The following UMODL1 variants were observed in gnomAD, a reference collection of about 807,000 sequenced individuals.
UMODL1 encodes uromodulin like 1.
Under a neutral mutation model 136.3 loss-of-function variants are expected in UMODL1, and 128 were observed. That is an observed-to-expected ratio of 0.94 (90% CI 0.81 to 1.09). UMODL1 has a LOEUF of 1.09. Ranked by LOEUF, UMODL1 falls within the 50% of genes least tolerant of loss-of-function variation. The pLI, the probability that UMODL1 is intolerant of heterozygous loss-of-function variation, is 0.00. For synonymous variants in UMODL1, 721 were observed against 720.0 expected (o/e 1.00, Z -0.02); for missense variants, 1,766 against 1,725.6 (o/e 1.02, Z -0.41).
chr21:42,096,034 C>T (rs545864198), intron 6 of UMODL1, among the ~76,000 whole-genome samples: 1 of 152,268 alleles, frequency 6.6e-6, no homozygotes, highest in African/African-American at 2.4e-5. Flanking sequence ...TTAGCTTGGA[C>T]ACTGTGGACC....
chr21:42,085,001 T>C lies in UMODL1; in HGVS notation c.482-290T>C, dbSNP rs1309652533. 6.6e-6 allele frequency among the ~76,000 whole-genome samples: 1 copy of C among 151,598 alleles called. No homozygotes were observed. The highest frequency in any genetic ancestry group is 1.5e-5 in the Non-Finnish European group (1 of 68,008). Reference sequence around the variant, plus strand: ...ATGAGGCTGATAGGCTCTATTTACCTCCTAAGCAGATCTCTTCAAGGGAAG... The same window carrying C: ...ATGAGGCTGATAGGCTCTATTTACCCCCTAAGCAGATCTCTTCAAGGGAAG... On this transcript the variant is annotated intron_variant, in intron 3 of 22. Coordinates refer to ENST00000408910, the MANE Select transcript of UMODL1 (RefSeq NM_001004416.3). The surrounding 1 kb of genome is among the most constrained non-coding windows in gnomAD (Gnocchi z 4.5).
intron 13 of UMODL1, among the ~76,000 whole-genome samples, chr21:42,115,062 G>C (rs1231810893): frequency 6.6e-6 from 1 of 152,244 alleles, no homozygotes; most frequent in Non-Finnish European, 1.5e-5. Context: ...TGGCTCTGTG[G>C]TTTGTCTTAA....
intron 20 of UMODL1, 85 bp downstream of exon 20, chr21:42,127,916 G>T: frequency 6.3e-7 from 1 of 1,578,242 alleles, no homozygotes; most frequent in East Asian, 2.3e-5. Context: ...TAAAAACCTA[G>T]GGCTCGAGTG....
intron 2 of UMODL1, among the ~76,000 whole-genome samples, chr21:42,080,246 C>T (rs924011278): frequency 3.3e-5 from 5 of 152,180 alleles, no homozygotes; most frequent in East Asian, 1.9e-4. Context: ...TGTTGAGCAC[C>T]GTGACTCTGA....
At chr21:42,118,695 A>C (rs2066929171) in intron 14 of UMODL1, among the ~76,000 whole-genome samples, 1 of 151,938 alleles carries the variant, frequency 6.6e-6, no homozygotes, top group South Asian at 2.1e-4. Flanking sequence ...AGGCAGCGGG[A>C]AGTGGTCTCC....
At position 42,122,790 on chromosome 21, in the gene UMODL1, C is replaced by T; in HGVS notation, c.2828-41C>T. ...CCTGCCCCTCCATGCCAACCCCAAA[C>T]ACAGAGCCACTCTTTGCCTTTTCCT... On this transcript the variant is annotated intron_variant, in intron 16 of 22. Transcript: ENST00000408910. This position sits in a 1 kb window ranked among gnomAD's most constrained non-coding sequence, Gnocchi z 4.3. The T allele has an allele frequency of 6.5e-7, 1 of 1,543,742 alleles. No individual in the cohort carries two copies. Among genetic ancestry groups the T allele is most frequent in the Non-Finnish European group, 8.7e-7 (1 of 1,143,686 alleles).
intron 6 of UMODL1, among the ~76,000 whole-genome samples, chr21:42,092,313 C>T (rs538260673): frequency 2.0e-5 from 3 of 152,090 alleles, no homozygotes; most frequent in East Asian, 1.9e-4. Context: ...AAAAGACAGG[C>T]GAAGCTGATC....
At chr21:42,135,319 G>A (rs2067191220) in intron 21 of UMODL1, among the ~76,000 whole-genome samples, 1 of 152,234 alleles carries the variant, frequency 6.6e-6, no homozygotes, top group Non-Finnish European at 1.5e-5. Flanking sequence ...CTGGCCATGG[G>A]GAGTAACCAT....
intron 1 of UMODL1, among the ~76,000 whole-genome samples, chr21:42,074,478 C>T (rs1203098013): frequency 2.0e-5 from 3 of 152,230 alleles, no homozygotes; most frequent in Admixed American, 1.3e-4. Context: ...TAGGGGCTCC[C>T]GGGGAGATGG....
chr21:42,090,485 G>A (rs923657212), intron 6 of UMODL1, 47 bp downstream of exon 6: 3 of 1,603,728 alleles, frequency 1.9e-6, no homozygotes, highest in Non-Finnish European at 2.6e-6. Flanking sequence ...CTTAATTCCT[G>A]TTTGCCCCGG....
rs1227632883 is a variant in UMODL1, at chr21:42,104,178, CA to C, written c.1519+94del. Reference sequence around the variant, plus strand: ...ATTTGAGTCAGTCTTTCCTTTATTTCAAAGGGTAAAGAAATGCAAATCCTTA... The same window carrying C: ...ATTTGAGTCAGTCTTTCCTTTATTTCAAGGGTAAAGAAATGCAAATCCTTA... On this transcript the variant is annotated intron_variant, in intron 9 of 22. Transcript: ENST00000408910. The C allele has an allele frequency of 4.5e-6, 6 of 1,328,180 alleles. No individual in the cohort carries two copies. In the East Asian group the frequency reaches 7.2e-5, roughly 16 times the overall value. 82.3% of individuals were successfully genotyped at this position (1,328,180 alleles called of 1,614,324 possible). A position where few individuals can be genotyped will look rare whatever the true frequency, so the allele number is the denominator to read the frequency against.
intron 1 of UMODL1, among the ~76,000 whole-genome samples, chr21:42,075,638 G>A (rs2066281457): frequency 6.6e-6 from 1 of 152,218 alleles, no homozygotes. Flanking sequence ...GCAGAACAAA[G>A]GGACGTGATC....
intron 22 of UMODL1, among the ~76,000 whole-genome samples, chr21:42,138,003 G>A (rs1308330344): frequency 6.6e-6 from 1 of 152,008 alleles, no homozygotes; most frequent in African/African-American, 2.4e-5. Flanking sequence ...GTTGGTGAAG[G>A]TTCGATCGCT....
chr21:42,085,630 G>T lies in UMODL1; in HGVS notation c.603+218G>T, dbSNP rs568793462. ...AAAATGCACACAACTGAAGCGTGTA[G>T]TTGGCTGAGTTGTTATGTGTGTACC... is the stretch of plus-strand genomic sequence containing the variant. On this transcript the variant is annotated intron_variant, in intron 4 of 22. Coordinates refer to ENST00000408910, the MANE Select transcript of UMODL1 (RefSeq NM_001004416.3). This position sits in a 1 kb window ranked among gnomAD's most constrained non-coding sequence, Gnocchi z 4.5. Among the ~76,000 whole-genome samples the T allele has an allele frequency of 2.0e-5, 3 of 152,350 alleles. No individual in the cohort carries two copies. The South Asian group carries it at 6.2e-4, about 32-fold the overall frequency.
rs1296667031 is a variant in UMODL1, at chr21:42,122,121, C to T, written c.2828-710C>T. Among the ~76,000 whole-genome samples the T allele has an allele frequency of 6.6e-6, 1 of 152,082 alleles. No individual in the cohort carries two copies. The highest frequency in any genetic ancestry group is 1.5e-5 in the Non-Finnish European group (1 of 67,990). On this transcript the variant is annotated intron_variant, in intron 16 of 22. Coordinates refer to ENST00000408910, the MANE Select transcript of UMODL1 (RefSeq NM_001004416.3). This position sits in a 1 kb window ranked among gnomAD's most constrained non-coding sequence, Gnocchi z 4.3. ...GGAGCTGCAGGGTGCTGGGGCTGGG[C>T]AAGCCCCACTCTGAGATAAAAGAAG...
rs543206238 is a variant in UMODL1, at chr21:42,099,386, C to T, written c.1186+206C>T. ...GCTGGTGCCTTCACTGGCTCCCTCGCTTCCCTACATGTCGTCCTGTTAGGG... is the reference window on the plus strand; with the variant it reads ...GCTGGTGCCTTCACTGGCTCCCTCGTTTCCCTACATGTCGTCCTGTTAGGG... On this transcript the variant is annotated intron_variant, in intron 7 of 22. Transcript: ENST00000408910. The surrounding 1 kb of genome is among the most constrained non-coding windows in gnomAD (Gnocchi z 4.1). Among the ~76,000 whole-genome samples, 7 of 152,292 alleles carry T rather than the reference C, an allele frequency of 4.6e-5. No individual in the cohort carries two copies. The East Asian group carries it at 1.2e-3, about 25-fold the overall frequency.
chr21:42,096,003 G>T (rs140016773), intron 6 of UMODL1, among the ~76,000 whole-genome samples: 1 of 152,226 alleles, frequency 6.6e-6, no homozygotes, highest in South Asian at 2.1e-4. Context: ...AGTTCCTACC[G>T]CTGCTATAAT....
At chr21:42,117,865 G>C (rs1033228871) in intron 14 of UMODL1, among the ~76,000 whole-genome samples, 1 of 152,198 alleles carries the variant, frequency 6.6e-6, no homozygotes, top group Non-Finnish European at 1.5e-5. Flanking sequence ...AGGCAGCTCC[G>C]TTTCCTTCCC....
Position 42,099,712 on chromosome 21 carries a change from G to T in UMODL1, c.1186+532G>T, listed in dbSNP as rs1024705866. ...TTTTTTCTTTTTGAGACAGGGTCTC[G>T]CTCTGTCACCCAGGCTGGAGTGTAG... On this transcript the variant is annotated intron_variant, in intron 7 of 22. Coordinates refer to ENST00000408910, the MANE Select transcript of UMODL1 (RefSeq NM_001004416.3). The surrounding 1 kb of genome is among the most constrained non-coding windows in gnomAD (Gnocchi z 4.1). Among the ~76,000 whole-genome samples, 1 of 152,128 alleles carries T rather than the reference G, an allele frequency of 6.6e-6. No individual in the cohort carries two copies. Among genetic ancestry groups the T allele is most frequent in the Non-Finnish European group, 1.5e-5 (1 of 68,012 alleles).
Sources: gnomAD v4.1 joint callset for allele counts (sites outside exome capture counted in the v4.1 genomes callset) on GRCh38, gnomAD v4.1.1 for gene constraint, Gnocchi (gnomAD v3.1) non-coding constraint, MANE v1.5 for transcripts, NCBI Gene and HGNC (gene_info 2026-07-23, HGNC 2026-07-21) for gene names.